Variants in RCAN2 observed in about 807,000 individuals in gnomAD.
RCAN2 encodes the protein calcipressin-2.
A neutral mutation model predicts 23.6 loss-of-function variants in RCAN2; 9 were observed. The ratio of observed to expected loss-of-function variants is 0.38; its 90% CI spans 0.23 to 0.67. RCAN2 has a LOEUF of 0.67. RCAN2 is among the 30% of genes least tolerant of loss of function. The pLI is 0.51. For synonymous variants in RCAN2, 109 were observed against 115.7 expected (o/e 0.94, Z 0.37); for missense variants, 273 against 302.3 (o/e 0.90, Z 0.72).
At chr6:46,241,992 A>G (rs1005799439) in intron 4 of RCAN2, among the ~76,000 whole-genome samples, 1 of 152,222 alleles carries the variant, frequency 6.6e-6, no homozygotes, top group African/African-American at 2.4e-5. Flanking sequence ...CATGGGGACA[A>G]TGATTAAGGA....
intron 2 of RCAN2, among the ~76,000 whole-genome samples, chr6:46,446,164 GAA>G (rs1253920370): frequency 8.0e-4 from 97 of 121,252 alleles, no homozygotes; most frequent in African/African-American, 2.8e-3. Flanking sequence ...CTAAAAGCAA[GAA>G]AAAAAAAAAA....
intron 2 of RCAN2, among the ~76,000 whole-genome samples, chr6:46,412,720 G>A (rs1165681305): frequency 1.3e-5 from 2 of 152,192 alleles, no homozygotes; most frequent in African/African-American, 4.8e-5. Flanking sequence ...CTGGCAACAC[G>A]AAGGTTGTGA....
chr6:46,326,987 T>C lies in RCAN2; in HGVS notation c.226-78091A>G. Among the ~76,000 whole-genome samples, 2 of 152,240 alleles carry C rather than the reference T, an allele frequency of 1.3e-5. 1 individual carries two copies. Among genetic ancestry groups the C allele is most frequent in the Non-Finnish European group, 2.9e-5 (2 of 68,052 alleles). ...TCTTTGTGCATTTGTTCAAGTGGCA[T>C]TTATTTCGCTGTCCAGGACACTGTG... is the stretch of plus-strand genomic sequence containing the variant. On this transcript the variant is annotated intron_variant, in intron 2 of 4. Transcript: ENST00000371374.
intron 2 of RCAN2, among the ~76,000 whole-genome samples, chr6:46,324,736 G>C (rs185291374): frequency 3.9e-5 from 6 of 152,186 alleles, no homozygotes; most frequent in Non-Finnish European, 7.3e-5. Flanking sequence ...AACTGCTGCC[G>C]GCAATCAGTG....
rs1415886288 is a variant in RCAN2 at position 46,221,798 on chromosome 6, A to C, written c.*1343T>G. On this transcript the variant is annotated 3_prime_UTR_variant, in exon 5 of 5. Transcript: ENST00000371374. Reference sequence around the variant, plus strand: ...CGTTTGCATCTAAAGTAATTCATTAATGTACAGGAGTAGATGAGGCCTGGC... The same window carrying C: ...CGTTTGCATCTAAAGTAATTCATTACTGTACAGGAGTAGATGAGGCCTGGC... 2.5e-6 allele frequency: 1 copy of C among 396,654 alleles called. No individual in the cohort carries two copies. The highest frequency in any genetic ancestry group is 3.6e-5 in the East Asian group (1 of 28,050). The allele number at this position is 396,654 out of a possible 1,614,324, so 24.6% of individuals were successfully genotyped here. A position where few individuals can be genotyped will look rare whatever the true frequency, so the allele number is the denominator to read the frequency against.
At position 46,276,916 on chromosome 6, in the gene RCAN2, A is replaced by G. The variant is rs76421299; in HGVS notation, c.226-28020T>C. 4.7e-3 allele frequency among the ~76,000 whole-genome samples: 711 copies of G among 152,356 alleles called. 15 individuals are homozygous for G. The highest frequency in any genetic ancestry group is 0.044 in the East Asian group (229 of 5,180). On this transcript the variant is annotated intron_variant, in intron 2 of 4. Coordinates refer to ENST00000371374, the MANE Select transcript of RCAN2 (RefSeq NM_001251974.2). ...TAGAGGTGAGTGGCAGCCTCCAAACAGATGCCTGGGTTGACTTCCCCTGAA... is the reference window on the plus strand; with the variant it reads ...TAGAGGTGAGTGGCAGCCTCCAAACGGATGCCTGGGTTGACTTCCCCTGAA...
chr6:46,410,785 A>G (rs1181083985), intron 2 of RCAN2, among the ~76,000 whole-genome samples: 2 of 152,222 alleles, frequency 1.3e-5, no homozygotes, highest in African/African-American at 2.4e-5. Context: ...CATTAATAAT[A>G]TTATTTCAAA....
intron 2 of RCAN2, among the ~76,000 whole-genome samples, chr6:46,276,265 T>C (rs1027759940): frequency 2.0e-5 from 3 of 152,120 alleles, no homozygotes; most frequent in African/African-American, 7.2e-5. Flanking sequence ...TGTAGAATTC[T>C]AGTGGATATT....
At chr6:46,263,561 A>ATG (rs1561834156) in intron 2 of RCAN2, among the ~76,000 whole-genome samples, 5 of 56,152 alleles carry the variant, frequency 8.9e-5, no homozygotes, top group Non-Finnish European at 2.9e-4. Context: ...GTGTGTGTGT[A>ATG]TGTGTGTGTG....
At chr6:46,437,298 A>C (rs1309768657) in intron 2 of RCAN2, among the ~76,000 whole-genome samples, 2 of 152,220 alleles carry the variant, frequency 1.3e-5, no homozygotes, top group Non-Finnish European at 2.9e-5. Context: ...TTAGTTTAAC[A>C]TGGTATAATA....
At chr6:46,408,813 A>G (rs1455118001) in intron 2 of RCAN2, among the ~76,000 whole-genome samples, 1 of 152,172 alleles carries the variant, frequency 6.6e-6, no homozygotes, top group Non-Finnish European at 1.5e-5. Context: ...TTCCAACAGG[A>G]GATAGTTTGG....
At chr6:46,286,722 G>A (rs1762386986) in intron 2 of RCAN2, among the ~76,000 whole-genome samples, 2 of 152,118 alleles carry the variant, frequency 1.3e-5, no homozygotes, top group East Asian at 1.9e-4. Flanking sequence ...GCACTTCAAG[G>A]CCGGGAGTGG....
chr6:46,466,765 A>G (rs1768398957), intron 1 of RCAN2, among the ~76,000 whole-genome samples: 1 of 152,230 alleles, frequency 6.6e-6, no homozygotes, highest in Non-Finnish European at 1.5e-5. Context: ...GCTGAAAAAA[A>G]TCACAAGTCT....
chr6:46,466,054 A>T (rs1385079524), intron 1 of RCAN2, among the ~76,000 whole-genome samples: 2 of 152,188 alleles, frequency 1.3e-5, no homozygotes, highest in African/African-American at 4.8e-5. Flanking sequence ...TGCCTGCACC[A>T]CTGGGGGAGA....
chr6:46,266,889 G>C (rs1225172575), intron 2 of RCAN2, among the ~76,000 whole-genome samples: 1 of 152,120 alleles, frequency 6.6e-6, no homozygotes, highest in East Asian at 1.9e-4. Context: ...GACCTGCATA[G>C]AACTTGGGAC....
intron 2 of RCAN2, among the ~76,000 whole-genome samples, chr6:46,367,612 A>T (rs1288712578): frequency 6.6e-6 from 1 of 152,154 alleles, no homozygotes; most frequent in East Asian, 1.9e-4. Flanking sequence ...TCTTTTTCAG[A>T]CTGCTGTCTT....
chr6:46,452,540 T>C (rs914875848), intron 2 of RCAN2, among the ~76,000 whole-genome samples: 1 of 152,172 alleles, frequency 6.6e-6, no homozygotes, highest in African/African-American at 2.4e-5. Context: ...TTCTTCAGGG[T>C]CCAATATAGG....
intron 4 of RCAN2, among the ~76,000 whole-genome samples, chr6:46,225,886 C>A (rs979223438): frequency 5.9e-5 from 9 of 152,128 alleles, no homozygotes; most frequent in African/African-American, 2.2e-4. Context: ...ATGGTATTGC[C>A]TAGGTTTTCT....
At position 46,334,994 on chromosome 6, in the gene RCAN2, G is replaced by A. The variant is rs1370605769; in HGVS notation, c.226-86098C>T. Among the ~76,000 whole-genome samples the A allele has an allele frequency of 2.0e-5, 3 of 152,148 alleles. No individual in the cohort carries two copies. In the East Asian group the frequency reaches 5.8e-4, roughly 29 times the overall value. On this transcript the variant is annotated intron_variant, in intron 2 of 4. Transcript: ENST00000371374. ...AATTACAGGGATGAAAATAAAAAGG[G>A]TGTTTGCTCAGCATCCCTGTCTTCT...
Sources: gnomAD v4.1 joint callset for allele counts (sites outside exome capture counted in the v4.1 genomes callset) on GRCh38, gnomAD v4.1.1 for gene constraint, MANE v1.5 for transcripts, NCBI Gene and HGNC (gene_info 2026-07-23, HGNC 2026-07-21) for gene names.